Variants in CAMK2D observed in about 807,000 individuals in gnomAD.
CAMK2D encodes the protein calcium/calmodulin dependent protein kinase II delta, also known as calcium/calmodulin-dependent protein kinase type II subunit delta.
Under a neutral mutation model 84.0 loss-of-function variants are expected in CAMK2D, and 37 were observed. That is an observed-to-expected ratio of 0.44 (90% confidence interval 0.34 to 0.58). The LOEUF (loss-of-function observed/expected upper bound fraction) is 0.58. Ranked by LOEUF, CAMK2D falls within the 20% of genes least tolerant of loss-of-function variation. The pLI, the probability that CAMK2D is intolerant of heterozygous loss-of-function variation, is 0.02. For synonymous variants in CAMK2D, 202 were observed against 212.5 expected (o/e 0.95, Z 0.43); for missense variants, 448 against 652.5 (o/e 0.69, Z 3.41).
At chr4:113,542,117 C>T (rs2154191428) in intron 6 of CAMK2D, among the ~76,000 whole-genome samples, 1 of 152,318 alleles carries the variant, frequency 6.6e-6, no homozygotes, top group East Asian at 1.9e-4. Flanking sequence ...TCAGCACACA[C>T]TGCTGGGTAG....
intron 4 of CAMK2D, among the ~76,000 whole-genome samples, chr4:113,575,127 G>T (rs1382408467): frequency 2.6e-5 from 4 of 152,176 alleles, no homozygotes; most frequent in African/African-American, 9.7e-5. Context: ...TTAAACTACA[G>T]AAGTGAGGGG....
chr4:113,569,984 A>G (rs536026822), intron 4 of CAMK2D, among the ~76,000 whole-genome samples: 2 of 151,814 alleles, frequency 1.3e-5, no homozygotes, highest in African/African-American at 2.4e-5. Context: ...GTAGTATTTC[A>G]ATATACTAAC....
At chr4:113,561,145 C>A (rs1050787843) in intron 4 of CAMK2D, among the ~76,000 whole-genome samples, 1 of 152,140 alleles carries the variant, frequency 6.6e-6, no homozygotes, top group African/African-American at 2.4e-5. Flanking sequence ...CTCTAACTTT[C>A]CTCTCATTCC....
chr4:113,704,753 A>G (rs2099437762), intron 2 of CAMK2D, among the ~76,000 whole-genome samples: 1 of 152,162 alleles, frequency 6.6e-6, no homozygotes, highest in African/African-American at 2.4e-5. Context: ...TAGGTTAAGA[A>G]CCTTTTCACT....
chr4:113,734,460 C>T (rs2148826256), intron 2 of CAMK2D, among the ~76,000 whole-genome samples: 1 of 152,186 alleles, frequency 6.6e-6, no homozygotes, highest in Admixed American at 6.5e-5. Flanking sequence ...ACATTGTTCT[C>T]TTTTATTCCT....
chr4:113,631,492 T>C lies in CAMK2D; in HGVS notation c.221-22286A>G, dbSNP rs79400730. On this transcript the variant is annotated intron_variant, in intron 3 of 20. Coordinates refer to ENST00000511664, the MANE Select transcript of CAMK2D (RefSeq NM_001321571.2). ...ATTCAATGAACATTCGCCCTTTAAC[T>C]GTGAGAATCTGCTAGCTAGTGATTT... is the stretch of plus-strand genomic sequence containing the variant. 6.1e-4 allele frequency among the ~76,000 whole-genome samples: 93 copies of C among 152,318 alleles called. No individual in the cohort carries two copies. The East Asian group carries it at 0.016, about 26-fold the overall frequency.
chr4:113,611,692 C>T (rs942548854), intron 3 of CAMK2D, among the ~76,000 whole-genome samples: 1 of 152,138 alleles, frequency 6.6e-6, no homozygotes, highest in African/African-American at 2.4e-5. Context: ...TACTAAATAT[C>T]ATCATTCAGA....
chr4:113,562,883 A>G (rs1218078028), intron 4 of CAMK2D, among the ~76,000 whole-genome samples: 3 of 152,242 alleles, frequency 2.0e-5, no homozygotes, highest in Non-Finnish European at 2.9e-5. Flanking sequence ...CAAAATTACA[A>G]ACTCTTTATT....
intron 12 of CAMK2D, among the ~76,000 whole-genome samples, chr4:113,512,991 G>A (rs370790768): frequency 6.6e-6 from 1 of 152,118 alleles, no homozygotes; most frequent in East Asian, 1.9e-4. Flanking sequence ...GGTTTGAAAC[G>A]CTGAGATCGT....
intron 2 of CAMK2D, among the ~76,000 whole-genome samples, chr4:113,722,128 G>C (rs2099532384): frequency 6.6e-6 from 1 of 151,956 alleles, no homozygotes; most frequent in South Asian, 2.1e-4. Flanking sequence ...ACTTAAGAGA[G>C]TATAGAAAAA....
At chr4:113,592,072 C>G (rs894187827) in intron 4 of CAMK2D, among the ~76,000 whole-genome samples, 2 of 152,066 alleles carry the variant, frequency 1.3e-5, no homozygotes, top group African/African-American at 4.8e-5. Context: ...ATTATAATAG[C>G]AAATCTATTT....
intron 12 of CAMK2D, among the ~76,000 whole-genome samples, chr4:113,512,467 G>C (rs1398778201): frequency 1.3e-5 from 2 of 152,188 alleles, no homozygotes; most frequent in African/African-American, 4.8e-5. Flanking sequence ...AAATTCTTGA[G>C]TTAGATACCT....
At chr4:113,743,162 C>G (rs150117961) in intron 2 of CAMK2D, among the ~76,000 whole-genome samples, 4 of 152,130 alleles carry the variant, frequency 2.6e-5, no homozygotes, top group African/African-American at 4.8e-5. Context: ...CACCTCATCT[C>G]TCTGCTAGAT....
At chr4:113,629,528 C>T (rs1222423091) in intron 3 of CAMK2D, among the ~76,000 whole-genome samples, 4 of 151,462 alleles carry the variant, frequency 2.6e-5, no homozygotes, top group Admixed American at 2.6e-4. Flanking sequence ...TTACAGAAAA[C>T]AATACTTAAT....
At chr4:113,737,729 A>C (rs771891125) in intron 2 of CAMK2D, among the ~76,000 whole-genome samples, 58 of 152,198 alleles carry the variant, frequency 3.8e-4, no homozygotes, top group Admixed American at 2.0e-4. Context: ...AAGGCATAAT[A>C]GCATTTTTAT....
At chr4:113,573,513 G>T (rs192009816) in intron 4 of CAMK2D, among the ~76,000 whole-genome samples, 14 of 152,314 alleles carry the variant, frequency 9.2e-5, no homozygotes, top group African/African-American at 3.4e-4. Flanking sequence ...AGCACACTAG[G>T]TCTGTTGACA....
chr4:113,684,764 T>C (rs924058249), intron 2 of CAMK2D, among the ~76,000 whole-genome samples: 1 of 152,226 alleles, frequency 6.6e-6, no homozygotes, highest in Non-Finnish European at 1.5e-5. Flanking sequence ...GTATTACTCT[T>C]GTCTAGAAAT....
intron 12 of CAMK2D, among the ~76,000 whole-genome samples, chr4:113,511,021 A>G (rs1223216974): frequency 1.3e-5 from 2 of 152,288 alleles, no homozygotes; most frequent in Non-Finnish European, 2.9e-5. Context: ...AATAGCAAGC[A>G]AAGAGAAGAT....
intron 4 of CAMK2D, among the ~76,000 whole-genome samples, chr4:113,571,113 T>A (rs2098751352): frequency 6.6e-6 from 1 of 150,992 alleles, no homozygotes; most frequent in Non-Finnish European, 1.5e-5. Flanking sequence ...TCACACTTGT[T>A]AGAACAACTA....
Sources: allele counts gnomAD v4.1 joint callset (sites outside exome capture counted in the v4.1 genomes callset), GRCh38; gene constraint gnomAD v4.1.1; transcripts MANE v1.5; gene names NCBI Gene and HGNC (gene_info 2026-07-23, HGNC 2026-07-21).